The following PRDX6 variants were observed in gnomAD, a reference collection of about 807,000 sequenced individuals.
PRDX6 encodes peroxiredoxin-6.
Under a neutral mutation model 20.0 loss-of-function variants are expected in PRDX6, and 13 were observed. The ratio of observed to expected loss-of-function variants is 0.65; its 90% CI spans 0.42 to 1.03. PRDX6 has a LOEUF of 1.03. Ranked by LOEUF, PRDX6 falls within the 50% of genes least tolerant of loss-of-function variation. PRDX6 has a pLI of 0.00. For synonymous variants in PRDX6, 85 were observed against 100.8 expected (o/e 0.84, Z 0.94); for missense variants, 203 against 276.9 (o/e 0.73, Z 1.89).
intron 1 of PRDX6, 151 bp downstream of exon 1, chr1:173,477,643 C>G: frequency 7.6e-6 from 5 of 657,756 alleles, no homozygotes; most frequent in South Asian, 5.7e-5. Context: ...CGCGCCAGGC[C>G]GTGTGGCCTC....
Position 173,487,966 on chromosome 1 carries a change from G to A in PRDX6, c.*103G>A. The A allele has an allele frequency of 2.1e-6, 3 of 1,443,352 alleles. No homozygotes were observed. The highest frequency in any genetic ancestry group is 2.8e-6 in the Non-Finnish European group (3 of 1,062,456). 89.4% of individuals were successfully genotyped at this position (1,443,352 alleles called of 1,614,324 possible). ...ACATCCTGGTGTCATCACAGCCAAG[G>A]TTTTTAGGTTGCTATACCAATGGCT... On this transcript the variant is annotated 3_prime_UTR_variant, in exon 5 of 5. Transcript: ENST00000340385.
rs776982867 is a variant in PRDX6, at chr1:173,477,365, C to G, written c.-33C>G. ...TTCGCCAGAACCAACCGGTTGCTTG[C>G]TGTCCCAGCGGCGCCCCCTCATCAC... On this transcript the variant is annotated 5_prime_UTR_variant, in exon 1 of 5. Transcript: ENST00000340385. 1 of 1,527,168 alleles carries G rather than the reference C, an allele frequency of 6.5e-7. No homozygotes were observed. The highest frequency in any genetic ancestry group is 8.9e-7 in the Non-Finnish European group (1 of 1,120,194). The allele number at this position is 1,527,168 out of a possible 1,614,324, so 94.6% of individuals were successfully genotyped here.
chr1:173,478,977 C>CA (rs753726119), intron 1 of PRDX6, among the ~76,000 whole-genome samples: 4 of 152,188 alleles, frequency 2.6e-5, no homozygotes, highest in Non-Finnish European at 4.4e-5. Context: ...ATTTCTCCAG[C>CA]AATCCTTGGG....
intron 3 of PRDX6, 103 bp downstream of exon 3, chr1:173,485,610 A>G: frequency 5.4e-6 from 6 of 1,105,972 alleles, no homozygotes; most frequent in Non-Finnish European, 7.3e-6. Context: ...ATCTACGATT[A>G]TGAAATAACT....
intron 2 of PRDX6, among the ~76,000 whole-genome samples, chr1:173,484,393 G>A (rs1372228872): frequency 1.3e-5 from 2 of 151,786 alleles, no homozygotes; most frequent in African/African-American, 4.8e-5. Context: ...ACAAATGGGA[G>A]TGTTCGTATA....
At chr1:173,481,626 A>G (rs917678909) in intron 2 of PRDX6, 144 bp downstream of exon 2, 1 of 831,464 alleles carries the variant, frequency 1.2e-6, no homozygotes, top group Admixed American at 2.5e-5. Flanking sequence ...TGAACCACAC[A>G]GTGATCACAT....
chr1:173,480,083 G>T (rs1288226487), intron 1 of PRDX6, among the ~76,000 whole-genome samples: 1 of 152,102 alleles, frequency 6.6e-6, no homozygotes, highest in Non-Finnish European at 1.5e-5. Context: ...TACTTCAAAA[G>T]ATATACTCTA....
intron 2 of PRDX6, among the ~76,000 whole-genome samples, chr1:173,483,667 CCT>C (rs755174883): frequency 1.1e-4 from 16 of 152,278 alleles, no homozygotes; most frequent in South Asian, 4.1e-4. Flanking sequence ...CCATCAAGCC[CCT>C]GTTTTACTTT....
At position 173,488,152 on chromosome 1, in the gene PRDX6, A is replaced by G. The variant is rs369545647; in HGVS notation, c.*289A>G. 62 of 259,958 alleles carry G rather than the reference A, an allele frequency of 2.4e-4. No individual in the cohort carries two copies. The highest frequency in any genetic ancestry group is 6.6e-4 in the Admixed American group (13 of 19,784). 16.1% of individuals were successfully genotyped at this position (259,958 alleles called of 1,614,324 possible). ...TGGATCTCTGCAGGGCTTGTGACCA[A>G]TGAAGTCATATTTGTTGATGGTTGA... is the stretch of plus-strand genomic sequence containing the variant. On this transcript the variant is annotated 3_prime_UTR_variant, in exon 5 of 5. Transcript: ENST00000340385.
At chr1:173,484,991 A>G (rs906511462) in intron 2 of PRDX6, among the ~76,000 whole-genome samples, 8 of 152,224 alleles carry the variant, frequency 5.3e-5, no homozygotes, top group Non-Finnish European at 1.0e-4. Flanking sequence ...ACCTATTGTT[A>G]TCTGATGATT....
chr1:173,484,845 G>GT (rs11365317), intron 2 of PRDX6, among the ~76,000 whole-genome samples: 3,021 of 131,382 alleles, frequency 0.023, 94 homozygotes, highest in African/African-American at 0.071. Flanking sequence ...TTTGTGATTT[G>GT]TTTTTTTTTT....
intron 2 of PRDX6, among the ~76,000 whole-genome samples, chr1:173,484,845 GT>G (rs11365317): frequency 0.23 from 30,463 of 131,352 alleles, 3,252 homozygotes; most frequent in East Asian, 0.34. Context: ...TTTGTGATTT[GT>G]TTTTTTTTTT....
At chr1:173,482,406 G>A (rs181877225) in intron 2 of PRDX6, among the ~76,000 whole-genome samples, 1 of 152,272 alleles carries the variant, frequency 6.6e-6, no homozygotes, top group East Asian at 1.9e-4. Context: ...AAACTCAGCA[G>A]GAACAGAGAC....
At position 173,477,530 on chromosome 1, in the gene PRDX6, TG is replaced by T. The variant is rs770223196; in HGVS notation, c.95+39del. 12 of 1,521,780 alleles carry T rather than the reference TG, an allele frequency of 7.9e-6. No individual in the cohort carries two copies. In the Admixed American group the frequency reaches 1.4e-4, roughly 18 times the overall value. 94.3% of individuals were successfully genotyped at this position (1,521,780 alleles called of 1,614,324 possible). On this transcript the variant is annotated intron_variant, in intron 1 of 4. Coordinates refer to ENST00000340385, the MANE Select transcript of PRDX6 (RefSeq NM_004905.3). ...CGCGTAGCCCTGTCCTGGCCTCGGT[TG>T]CGCCGGACTCGGAGGTGCCTTCCCT...
rs560826850 is a variant in PRDX6 at position 173,488,620 on chromosome 1, G to A, written c.*757G>A. On this transcript the variant is annotated 3_prime_UTR_variant, in exon 5 of 5. Transcript: ENST00000340385. ...CAGGTGTGAGCAATATTAGTGCCAT[G>A]TGCCTTTCACACAGGGTTTGCATTT... The A allele has an allele frequency of 1.3e-5, 2 of 152,326 alleles. No individual in the cohort carries two copies. The highest frequency in any genetic ancestry group is 4.8e-5 in the African/African-American group (2 of 41,566). 9.4% of individuals were successfully genotyped at this position (152,326 alleles called of 1,614,324 possible).
intron 4 of PRDX6, among the ~76,000 whole-genome samples, chr1:173,487,324 G>A (rs1328653109): frequency 6.6e-6 from 1 of 152,190 alleles, no homozygotes; most frequent in Non-Finnish European, 1.5e-5. Flanking sequence ...GGAGCAGTTA[G>A]TGCAAGAAAC....
At position 173,488,069 on chromosome 1, in the gene PRDX6, A is replaced by G. The variant is rs1571399015; in HGVS notation, c.*206A>G. ...CTTCAGCAATCAATTCCATTCATACATCAGCACTCTGCTGGTTCTGTTTGA... is the reference window on the plus strand; with the variant it reads ...CTTCAGCAATCAATTCCATTCATACGTCAGCACTCTGCTGGTTCTGTTTGA... On this transcript the variant is annotated 3_prime_UTR_variant, in exon 5 of 5. Transcript: ENST00000340385. 1.8e-6 allele frequency: 1 copy of G among 568,440 alleles called. No individual in the cohort carries two copies. Among genetic ancestry groups the G allele is most frequent in the Non-Finnish European group, 3.1e-6 (1 of 326,110 alleles). The allele number at this position is 568,440 out of a possible 1,614,324, so 35.2% of individuals were successfully genotyped here.
rs542561388 is a variant in PRDX6, at chr1:173,488,554, G to A, written c.*691G>A. 12 of 152,326 alleles carry A rather than the reference G, an allele frequency of 7.9e-5. No individual in the cohort carries two copies. Among genetic ancestry groups the A allele is most frequent in the African/African-American group, 2.2e-4 (9 of 41,564 alleles). 9.4% of individuals were successfully genotyped at this position (152,326 alleles called of 1,614,324 possible). On this transcript the variant is annotated 3_prime_UTR_variant, in exon 5 of 5. Transcript: ENST00000340385. ...TGATAAGTTTCTATCAAAATGGGGA[G>A]ATTGCAGAAAAGGCTTCCCTTGGCT...
At chr1:173,482,773 G>GA (rs1339831967) in intron 2 of PRDX6, among the ~76,000 whole-genome samples, 10 of 152,236 alleles carry the variant, frequency 6.6e-5, no homozygotes, top group African/African-American at 1.9e-4. Context: ...ATGTGTAGGA[G>GA]AAAAAAGAAG....
Sources: allele counts gnomAD v4.1 joint callset (sites outside exome capture counted in the v4.1 genomes callset), GRCh38; gene constraint gnomAD v4.1.1; transcripts MANE v1.5; gene names NCBI Gene and HGNC (gene_info 2026-07-23, HGNC 2026-07-21).